The following TCOF1 variants were observed in gnomAD, a reference collection of about 807,000 sequenced individuals.
The protein encoded by TCOF1 is treacle ribosome biogenesis factor 1, also known as treacle protein.
TCOF1 carries 33 observed loss-of-function variants against 149.0 expected under a neutral mutation model. The ratio of observed to expected loss-of-function variants is 0.22; its 90% CI spans 0.17 to 0.30. The LOEUF (loss-of-function observed/expected upper bound fraction) is 0.30. Among genes scored for constraint, TCOF1 ranks in the 10% least tolerant of loss-of-function variants. The pLI is 1.00. For missense variants in TCOF1, 1,728 were observed against 1,840.7 expected (o/e 0.94, Z 1.12); for synonymous variants, 789 against 738.8 (o/e 1.07, Z -1.10).
chr5:150,379,455 C>G, intron 16 of TCOF1, 47 bp downstream of exon 16: 1 of 1,614,092 alleles, frequency 6.2e-7, no homozygotes, highest in African/African-American at 1.3e-5. Context: ...GATGTAACAC[C>G]TTTGCCACAT....
rs773901761 is a variant in TCOF1, at chr5:150,396,488, G to A, written c.3991G>A (p.Val1331Met). ...GCTGCTGGAACAGGAAAGAAAGAAGGTGGTGGACACCACCAAGGAGAGCAG... is the reference window on the plus strand; with the variant it reads ...GCTGCTGGAACAGGAAAGAAAGAAGATGGTGGACACCACCAAGGAGAGCAG... The part of the protein sequence containing the change: ...TELLEQERKK[V>M]VDTTKESSRK... Residue 1331 changes from valine (V) to methionine (M), a missense_variant, in exon 24 of 27, where the codon GTG becomes ATG. By Grantham distance (21) the Val-to-Met change is conservative. Transcript: ENST00000643257. 9.9e-6 allele frequency: 16 copies of A among 1,613,700 alleles called. No homozygotes were observed. Among genetic ancestry groups the A allele is most frequent in the Non-Finnish European group, 1.4e-5 (16 of 1,179,944 alleles).
chr5:150,385,627 C>T (rs1328913712), intron 17 of TCOF1, among the ~76,000 whole-genome samples: 1 of 152,124 alleles, frequency 6.6e-6, no homozygotes, highest in Non-Finnish European at 1.5e-5. Flanking sequence ...GCAGCCTAGG[C>T]CATCAGCCCC....
chr5:150,380,069 TCA>T, intron 17 of TCOF1: 4 of 138,570 alleles, frequency 2.9e-5, no homozygotes, highest in Non-Finnish European at 5.7e-5. Flanking sequence ...TGAGACTGTC[TCA>T]AAAAAAAAAA....
chr5:150,371,996 C>G lies in TCOF1; in HGVS notation c.640-10C>G. The G allele has an allele frequency of 6.2e-7, 1 of 1,610,324 alleles. No individual in the cohort carries two copies. The highest frequency in any genetic ancestry group is 8.5e-7 in the Non-Finnish European group (1 of 1,176,474). ...ATTATTCATTTTCTAATTCCATCCT[C>G]TTGTTCCAGGGGAAACCCTCAGTAA... On this transcript the variant is annotated splice_polypyrimidine_tract_variant and intron_variant, in intron 6 of 26. Coordinates refer to ENST00000643257, the MANE Select transcript of TCOF1 (RefSeq NM_001371623.1).
In TCOF1 at chr5:150,372,039, G is replaced by A. The variant is rs1440836238; in HGVS notation, c.673G>A (p.Ala225Thr). The A allele has an allele frequency of 1.2e-6, 2 of 1,614,126 alleles. No homozygotes were observed. Among genetic ancestry groups the A allele is most frequent in the Non-Finnish European group, 1.7e-6 (2 of 1,180,060 alleles). Residue 225 changes from alanine (A) to threonine (T), a missense_variant, in exon 7 of 27, where the codon GCC (alanine) becomes ACC (threonine). Transcript: ENST00000643257. ...CTCAGTAAAACCAGCCCAGGTCAAA[G>A]CCTCATCAGTTTCTACTAAGGAGTC... ...KPSVKPAQVK[A>T]SSVSTKESPA... is the part of the protein sequence containing the mutation.
intron 17 of TCOF1, chr5:150,383,929 GT>G: frequency 6.7e-7 from 1 of 1,488,774 alleles, no homozygotes; most frequent in South Asian, 1.3e-5. Flanking sequence ...TGCTGGTGTG[GT>G]CCAAGCTTCT....
rs1767884994 is a variant in TCOF1, at chr5:150,393,726, A to G, written c.3784+174A>G. On this transcript the variant is annotated intron_variant, in intron 23 of 26. Coordinates refer to ENST00000643257, the MANE Select transcript of TCOF1 (RefSeq NM_001371623.1). Reference sequence around the variant, plus strand: ...GACCTGAAGATGCTCATCAAAGTGCAGGTGGGGCCAGGTGCAGTGGCTCAT... The same window carrying G: ...GACCTGAAGATGCTCATCAAAGTGCGGGTGGGGCCAGGTGCAGTGGCTCAT... 3 of 828,570 alleles carry G rather than the reference A, an allele frequency of 3.6e-6. No homozygotes were observed. In the African/African-American group the frequency reaches 5.1e-5, roughly 14 times the overall value. 51.3% of individuals were successfully genotyped at this position (828,570 alleles called of 1,614,324 possible).
chr5:150,371,869 A>G (rs901238555), intron 6 of TCOF1, 137 bp from the exon 7 acceptor site: 3 of 786,768 alleles, frequency 3.8e-6, no homozygotes, highest in Non-Finnish European at 6.5e-6. Flanking sequence ...TCTAAAGCTA[A>G]TAGCCGTCTC....
chr5:150,370,095 C>T (rs1409032631), intron 6 of TCOF1, among the ~76,000 whole-genome samples: 2 of 152,130 alleles, frequency 1.3e-5, no homozygotes, highest in Non-Finnish European at 2.9e-5. Flanking sequence ...TGAACTTTGA[C>T]CTGGAAAAGG....
chr5:150,376,637 G>A lies in TCOF1; in HGVS notation c.2340+17G>A, dbSNP rs1452199901. 1 of 1,553,272 alleles carries A rather than the reference G, an allele frequency of 6.4e-7. No individual in the cohort carries two copies. Among genetic ancestry groups the A allele is most frequent in the Non-Finnish European group, 8.7e-7 (1 of 1,148,914 alleles). On this transcript the variant is annotated intron_variant, in intron 14 of 26. Transcript: ENST00000643257. ...CCAGCACAGGTGAGGCCTAGAAGGA[G>A]CAGGCCCATCCCACCCACACCTGTT...
Position 150,372,158 on chromosome 5 carries a change from G to A in TCOF1, c.792G>A (p.Lys264=), listed in dbSNP as rs1194579940. ...CCCTGCCCCCAGCCAAGAGGGCCAA[G>A]AAGCCAGAAGAGGAGTCAGAGAGTA... The part of the protein sequence containing the change: ...GGALPPAKRA[K]KPEEESESSE... Residue 264 remains lysine, a synonymous_variant, in exon 7 of 27, where the codon AAG becomes AAA. Coordinates refer to ENST00000643257, the MANE Select transcript of TCOF1 (RefSeq NM_001371623.1). 1.9e-6 allele frequency: 3 copies of A among 1,614,102 alleles called. No individual in the cohort carries two copies. The highest frequency in any genetic ancestry group is 2.2e-5 in the East Asian group (1 of 44,884).
rs1340472295 is a variant in TCOF1 at position 150,379,555 on chromosome 5, C to G, written c.2682C>G (p.His894Gln). Residue 894 changes from histidine to glutamine, a missense_variant, in exon 17 of 27, where the codon CAC becomes CAG. Physicochemically the swap from His to Gln is conservative, Grantham distance 24. Transcript: ENST00000643257. ...LAQVKPSGKT[H>Q]QIRAALAPAK... is the part of the protein sequence containing the mutation. Reference sequence around the variant, plus strand: ...AGGTGAAGCCTTCAGGGAAGACCCACCAGATCAGAGCTGCCTTGGCTCCTG... The same window carrying G: ...AGGTGAAGCCTTCAGGGAAGACCCAGCAGATCAGAGCTGCCTTGGCTCCTG... 1 of 1,614,182 alleles carries G rather than the reference C, an allele frequency of 6.2e-7. No homozygotes were observed. The highest frequency in any genetic ancestry group is 8.5e-7 in the Non-Finnish European group (1 of 1,180,028).
intron 17 of TCOF1, chr5:150,384,015 G>T (rs1317193483): frequency 7.3e-7 from 1 of 1,378,426 alleles, no homozygotes; most frequent in Non-Finnish European, 9.4e-7. Context: ...AGAAGCTTCT[G>T]CCAGGCACCT....
At chr5:150,382,873 G>C (rs973853628) in intron 17 of TCOF1, among the ~76,000 whole-genome samples, 1 of 152,192 alleles carries the variant, frequency 6.6e-6, no homozygotes, top group African/African-American at 2.4e-5. Flanking sequence ...GAGCTAGCAG[G>C]GTGGAAGCAT....
intron 3 of TCOF1, among the ~76,000 whole-genome samples, chr5:150,367,088 G>A (rs551234934): frequency 1.3e-5 from 2 of 152,032 alleles, no homozygotes; most frequent in African/African-American, 4.8e-5. Context: ...GGCAGATCAC[G>A]AGGTCAGGAG....
chr5:150,394,047 CTGGCTCCCA>C, intron 23 of TCOF1: 1 of 205,378 alleles, frequency 4.9e-6, no homozygotes, highest in South Asian at 8.4e-5. Flanking sequence ...GCCCAGGTGT[CTGGCTCCCA>C]TGGCCCTGGA....
chr5:150,377,484 G>GCACT (rs1264151151), intron 14 of TCOF1, among the ~76,000 whole-genome samples: 1 of 152,188 alleles, frequency 6.6e-6, no homozygotes, highest in Non-Finnish European at 1.5e-5. Context: ...CTCACTCCCT[G>GCACT]CACTCACCCA....
chr5:150,375,091 G>T lies in TCOF1; in HGVS notation c.1416G>T (p.Glu472Asp). ...AAAQVQVGKQ[E>D]EDSRSSSEES... ...CCCAGGTCCAGGTGGGGAAGCAGGA[G>T]GAGGACTCAAGAAGCAGCAGCGAGG... Residue 472 changes from glutamate to aspartate, a missense_variant, in exon 10 of 27, where the codon GAG becomes GAT. This residue lies in a region of TCOF1 where 1,696 missense variants were observed against 1,765.4 expected (regional missense o/e 0.96). Transcript: ENST00000643257. 6.2e-7 allele frequency: 1 copy of T among 1,614,192 alleles called. No homozygotes were observed.
chr5:150,374,623 G>C lies in TCOF1; in HGVS notation c.1090G>C (p.Ala364Pro). 6.2e-7 allele frequency: 1 copy of C among 1,612,128 alleles called. No individual in the cohort carries two copies. Among genetic ancestry groups the C allele is most frequent in the East Asian group, 2.2e-5 (1 of 44,730 alleles). ...PAAKALLQAK[A>P]SGKTSQVGAA... is the part of the protein sequence containing the mutation. The stretch of plus-strand genomic sequence containing the variant: ...CCTTGTCTTGTTTCTCCAGGCGAAG[G>C]CCTCAGGAAAAACCTCTCAGGTCGG... Residue 364 changes from alanine (A) to proline (P), a missense_variant, in exon 9 of 27, where the codon GCC becomes CCC. By Grantham distance (27) the Ala-to-Pro change is conservative (BLOSUM62 -1). This residue lies in a region of TCOF1 where 1,696 missense variants were observed against 1,765.4 expected (regional missense o/e 0.96). Transcript: ENST00000643257.
Sources: gnomAD v4.1 joint callset for allele counts (sites outside exome capture counted in the v4.1 genomes callset) on GRCh38, gnomAD v4.1.1 for gene constraint, gnomAD v4.1.1 regional missense constraint, MANE v1.5 for transcripts, NCBI Gene and HGNC (gene_info 2026-07-23, HGNC 2026-07-21) for gene names.